Variants in ADGRL4 observed in about 807,000 individuals in gnomAD.
The protein encoded by ADGRL4 is EGF, latrophilin and seven transmembrane domain containing 1.
Under a neutral mutation model 74.8 loss-of-function variants are expected in ADGRL4, and 90 were observed. The observed-to-expected ratio is 1.20, with a 90% CI of 1.02 to 1.43. The LOEUF (loss-of-function observed/expected upper bound fraction) is 1.43. ADGRL4 is among the 40% of genes most tolerant of loss of function. The pLI is 0.00. For synonymous variants in ADGRL4, 311 were observed against 279.2 expected (o/e 1.11, Z -1.14); for missense variants, 881 against 814.3 (o/e 1.08, Z -1.00).
chr1:78,894,457 G>T (rs1329264198), intron 12 of ADGRL4, among the ~76,000 whole-genome samples: 1 of 151,716 alleles, frequency 6.6e-6, no homozygotes, highest in Non-Finnish European at 1.5e-5. Context: ...GTGAGATAAA[G>T]AATATTTAAA....
chr1:78,912,500 C>T (rs1570221717), intron 12 of ADGRL4, among the ~76,000 whole-genome samples: 1 of 151,928 alleles, frequency 6.6e-6, no homozygotes. Context: ...GTGCAATGTG[C>T]ATGCAAGGGA....
intron 2 of ADGRL4, among the ~76,000 whole-genome samples, chr1:78,963,961 A>G (rs1258416780): frequency 6.6e-6 from 1 of 152,196 alleles, no homozygotes; most frequent in Non-Finnish European, 1.5e-5. Context: ...ATAATTGCCT[A>G]AAGGGTCAGT....
intron 2 of ADGRL4, among the ~76,000 whole-genome samples, chr1:78,956,754 C>A (rs1649837442): frequency 6.6e-6 from 1 of 151,908 alleles, no homozygotes; most frequent in Non-Finnish European, 1.5e-5. Context: ...GAAATAAAAA[C>A]CCTTGTAAAT....
In ADGRL4 at chr1:78,904,220, T is replaced by C. The variant is rs199959658; in HGVS notation, c.1750-11031A>G. Among the ~76,000 whole-genome samples the C allele has an allele frequency of 5.4e-4, 82 of 151,810 alleles. 1 individual carries two copies. In the East Asian group the frequency reaches 0.013, roughly 24 times the overall value. ...AAGTATTAGAACAGAGTACCCAGAG[T>C]GGTAGATCTGCTACATCTAATGTGA... On this transcript the variant is annotated intron_variant, in intron 12 of 14. Transcript: ENST00000370742.
rs200284765 is a variant in ADGRL4 at position 78,917,835 on chromosome 1, G to A, written c.1677C>T (p.Thr559=). The A allele has an allele frequency of 3.7e-6, 6 of 1,611,602 alleles. No individual in the cohort carries two copies. The highest frequency in any genetic ancestry group is 5.1e-6 in the Non-Finnish European group (6 of 1,178,384). The stretch of plus-strand genomic sequence containing the variant: ...ATGAAATCATTTTAACTTACACTTT[G>A]GTTGTGCCATAATATCTGTATCCTA... ...AALGYRYYGT[T]KVCWLSTENN... Residue 559 remains threonine, a synonymous_variant, in exon 11 of 15, where the codon ACC becomes ACT. Transcript: ENST00000370742.
chr1:78,946,422 A>G lies in ADGRL4; in HGVS notation c.177T>C (p.Asp59=). 1 of 1,607,018 alleles carries G rather than the reference A, an allele frequency of 6.2e-7. No individual in the cohort carries two copies. Among genetic ancestry groups the G allele is most frequent in the South Asian group, 1.1e-5 (1 of 89,456 alleles). Residue 59 remains aspartate (D), a synonymous_variant, in exon 3 of 15, where the codon GAT becomes GAC. Coordinates refer to ENST00000370742, the MANE Select transcript of ADGRL4 (RefSeq NM_022159.4). ...SGNGVTICED[D]NECGNLTQSC... The stretch of plus-strand genomic sequence containing the variant: ...ACTGAGTTAAATTTCCACATTCATT[A>G]TCATCTGTTGGCATATGAATTTAAA...
intron 12 of ADGRL4, among the ~76,000 whole-genome samples, chr1:78,912,426 C>A (rs1298603961): frequency 6.6e-6 from 1 of 151,790 alleles, no homozygotes; most frequent in African/African-American, 2.4e-5. Context: ...ACCAGTACTG[C>A]CTGAGCTCCC....
intron 2 of ADGRL4, among the ~76,000 whole-genome samples, chr1:78,986,714 A>G (rs951003369): frequency 6.6e-6 from 1 of 151,886 alleles, no homozygotes; most frequent in Admixed American, 6.6e-5. Flanking sequence ...AATAACATTC[A>G]AATTGGAATG....
At chr1:78,957,453 C>T (rs1233058993) in intron 2 of ADGRL4, among the ~76,000 whole-genome samples, 2 of 152,092 alleles carry the variant, frequency 1.3e-5, no homozygotes, top group African/African-American at 4.8e-5. Context: ...CATACAAATG[C>T]TAAGAAAGTG....
chr1:78,920,276 T>A lies in ADGRL4; in HGVS notation c.1368A>T (p.Gln456His). The change falls in exon 10 of 15, where the codon CAA becomes CAT. Residue 456 changes from glutamine to histidine, a missense_variant. Gln to His is a conservative substitution (Grantham distance 24, BLOSUM62 0). Transcript: ENST00000370742. ...TTTTGTGAATTGTTGTCCTGGTGCT[T>A]TGAATTTCACTGAAGAACCAGAAGG... The part of the protein sequence containing the change: ...IFTFWFFSEI[Q>H]STRTTIHKNL... The A allele has an allele frequency of 6.2e-7, 1 of 1,612,118 alleles. No individual in the cohort carries two copies. Among genetic ancestry groups the A allele is most frequent in the Non-Finnish European group, 8.5e-7 (1 of 1,178,816 alleles).
At chr1:78,968,509 G>A (rs1602052) in intron 2 of ADGRL4, among the ~76,000 whole-genome samples, 1 of 123,512 alleles carries the variant, frequency 8.1e-6, no homozygotes, top group Non-Finnish European at 1.7e-5. Context: ...GCGGTGGGGG[G>A]GTGGGGGGGA....
At position 79,006,720 on chromosome 1, in the gene ADGRL4, G is replaced by T; in HGVS notation, c.-66C>A. 1.4e-6 allele frequency: 2 copies of T among 1,399,990 alleles called. No individual in the cohort carries two copies. Among genetic ancestry groups the T allele is most frequent in the Non-Finnish European group, 1.9e-6 (2 of 1,077,042 alleles). 86.7% of individuals were successfully genotyped at this position (1,399,990 alleles called of 1,614,324 possible). On this transcript the variant is annotated 5_prime_UTR_variant, in exon 1 of 15. Coordinates refer to ENST00000370742, the MANE Select transcript of ADGRL4 (RefSeq NM_022159.4). Reference sequence around the variant, plus strand: ...GGAGTGAGTGCGGCTGTGGACCCGGGACCGGGCGCCGCTGGGCGGGCGCGG... The same window carrying T: ...GGAGTGAGTGCGGCTGTGGACCCGGTACCGGGCGCCGCTGGGCGGGCGCGG...
intron 12 of ADGRL4, among the ~76,000 whole-genome samples, chr1:78,898,483 AAT>A (rs1436242687): frequency 6.6e-6 from 1 of 151,988 alleles, no homozygotes; most frequent in Non-Finnish European, 1.5e-5. Context: ...TTTGTAAATG[AAT>A]ATTCCTTCAT....
rs184600313 is a variant in ADGRL4 at position 78,941,995 on chromosome 1, C to T, written c.326-2737G>A. Among the ~76,000 whole-genome samples the T allele has an allele frequency of 4.1e-3, 615 of 151,706 alleles. 6 individuals carry two copies. The highest frequency in any genetic ancestry group is 0.02 in the South Asian group (98 of 4,806). On this transcript the variant is annotated intron_variant, in intron 3 of 14. Coordinates refer to ENST00000370742, the MANE Select transcript of ADGRL4 (RefSeq NM_022159.4). ...CGGGTGGATCACGAGGTCAGGAGAT[C>T]GAGACCATCCTGGCTAACACGGTGA...
In ADGRL4 at chr1:78,893,118, A is replaced by G. The variant is rs1203664982; in HGVS notation, c.1821T>C (p.Val607=). 14 of 1,597,256 alleles carry G rather than the reference A, an allele frequency of 8.8e-6. No individual in the cohort carries two copies. The highest frequency in any genetic ancestry group is 1.2e-5 in the Non-Finnish European group (14 of 1,173,524). Residue 607 remains valine, a synonymous_variant, in exon 13 of 15, where the codon GTT becomes GTC. Coordinates refer to ENST00000370742, the MANE Select transcript of ADGRL4 (RefSeq NM_022159.4). ...TTTACCTTATGTTCTCAAAGCAACT[A>G]ACTTCTGGTTTCAACCCTGCAGTGT... is the stretch of plus-strand genomic sequence containing the variant. ...FRHTAGLKPE[V]SCFENIRSCA... is the part of the protein sequence containing the mutation.
chr1:78,973,618 A>C (rs1650216261), intron 2 of ADGRL4, among the ~76,000 whole-genome samples: 1 of 149,216 alleles, frequency 6.7e-6, no homozygotes, highest in Non-Finnish European at 1.5e-5. Context: ...ATCTTAAATA[A>C]TATAATTACT....
chr1:78,935,412 G>A (rs947756346), intron 7 of ADGRL4, among the ~76,000 whole-genome samples: 4 of 151,956 alleles, frequency 2.6e-5, no homozygotes, highest in African/African-American at 9.7e-5. Flanking sequence ...GGGGAGTGGG[G>A]AAAGAGGGGA....
chr1:79,003,262 A>T (rs1482468483), intron 2 of ADGRL4, among the ~76,000 whole-genome samples: 1 of 152,048 alleles, frequency 6.6e-6, no homozygotes, highest in African/African-American at 2.4e-5. Flanking sequence ...ATCCTGACTA[A>T]AAAAAGGTTA....
chr1:78,940,937 T>A (rs559338102), intron 3 of ADGRL4, among the ~76,000 whole-genome samples: 134 of 152,262 alleles, frequency 8.8e-4, no homozygotes, highest in African/African-American at 3.1e-3. Flanking sequence ...ACTAGAAAGG[T>A]GATGGTACTA....
Sources: allele counts gnomAD v4.1 joint callset (sites outside exome capture counted in the v4.1 genomes callset), GRCh38; gene constraint gnomAD v4.1.1; transcripts MANE v1.5; gene names NCBI Gene and HGNC (gene_info 2026-07-23, HGNC 2026-07-21).